DHX15: variants seen among roughly 807,000 people sequenced by gnomAD.
DHX15 encodes ATP-dependent RNA helicase DHX15.
DHX15 carries 11 observed loss-of-function variants against 94.4 expected under a neutral mutation model. That is an observed-to-expected ratio of 0.12 (90% CI 0.07 to 0.19). DHX15 has a LOEUF of 0.19. DHX15 is among the 10% of genes least tolerant of loss of function. The pLI is 1.00. For synonymous variants in DHX15, 338 were observed against 329.9 expected, an observed-to-expected ratio of 1.02 and a Z score of -0.27; for missense variants, 304 against 988.5, an observed-to-expected ratio of 0.31 and a Z score of 9.29.
At chr4:24,569,170 A>G (rs13121824) in intron 3 of DHX15, among the ~76,000 whole-genome samples, 35,227 of 152,180 alleles carry the variant, frequency 0.23, 5,153 homozygotes, top group Non-Finnish European at 0.33. Context: ...ATTTATATAT[A>G]TAATTATTTG....
At chr4:24,534,652 C>T (rs6845163) in intron 11 of DHX15, among the ~76,000 whole-genome samples, 8,170 of 152,148 alleles carry the variant, frequency 0.054, 336 homozygotes, top group African/African-American at 0.11. Flanking sequence ...CTAGACAGAT[C>T]AAGGTACTGC....
rs372421550 is a variant in DHX15 at position 24,584,412 on chromosome 4, G to C, written c.-19C>G. The C allele has an allele frequency of 1.9e-6, 3 of 1,609,016 alleles. No homozygotes were observed. ...TGGACATCCTCGCACTCTTCGAACG[G>C]GCAGTTATTAAGGAAGAAAGCTGGC... On this transcript the variant is annotated 5_prime_UTR_variant, in exon 1 of 14. Coordinates refer to ENST00000336812, the MANE Select transcript of DHX15 (RefSeq NM_001358.3).
At chr4:24,556,195 T>G (rs560665538) in intron 4 of DHX15, 56 bp downstream of exon 4, 2 of 1,507,662 alleles carry the variant, frequency 1.3e-6, no homozygotes, top group Non-Finnish European at 1.8e-6. Context: ...GTATTCCCCA[T>G]TTTTATGCCC....
At chr4:24,572,454 T>A (rs1042139144) in intron 2 of DHX15, among the ~76,000 whole-genome samples, 22 of 152,132 alleles carry the variant, frequency 1.4e-4, no homozygotes, top group Non-Finnish European at 2.6e-4. Context: ...TCAGATTTTT[T>A]AATTCACTCC....
intron 3 of DHX15, among the ~76,000 whole-genome samples, chr4:24,568,085 G>T (rs1417521901): frequency 6.6e-6 from 1 of 152,134 alleles, no homozygotes; most frequent in East Asian, 1.9e-4. Flanking sequence ...TCTATATGCG[G>T]ACAATTTAAA....
At chr4:24,565,966 CT>C (rs1250920631) in intron 3 of DHX15, among the ~76,000 whole-genome samples, 1 of 151,982 alleles carries the variant, frequency 6.6e-6, no homozygotes, top group Non-Finnish European at 1.5e-5. Flanking sequence ...GTGGGCAGAG[CT>C]AGGACAACTC....
intron 7 of DHX15, among the ~76,000 whole-genome samples, chr4:24,542,718 G>C (rs79584058): frequency 0.054 from 8,153 of 151,330 alleles, 335 homozygotes; most frequent in African/African-American, 0.11. Context: ...AACAAAGAAA[G>C]CAAAGCAACT....
At chr4:24,544,134 A>T (rs766959170) in intron 6 of DHX15, among the ~76,000 whole-genome samples, 1 of 152,182 alleles carries the variant, frequency 6.6e-6, no homozygotes, top group Non-Finnish European at 1.5e-5. Flanking sequence ...TTAAAAAAAC[A>T]CATGTGGGAG....
intron 2 of DHX15, 129 bp from the exon 3 acceptor site, chr4:24,570,976 G>C: frequency 1.1e-6 from 1 of 944,682 alleles, no homozygotes; most frequent in Non-Finnish European, 1.6e-6. Flanking sequence ...TATAAGACTT[G>C]TGATTCAAAA....
intron 4 of DHX15, among the ~76,000 whole-genome samples, chr4:24,555,306 GCA>G (rs1491523270): frequency 3.1e-5 from 4 of 129,054 alleles, no homozygotes; most frequent in African/African-American, 1.1e-4. Flanking sequence ...AACAGAAAAT[GCA>G]AAAAAAAAAA....
At position 24,570,845 on chromosome 4, in the gene DHX15, A is replaced by T. The variant is rs1270636758; in HGVS notation, c.510T>A (p.Ile170=). The part of the protein sequence containing the change: ...GETGSGKTTQ[I]PQWCVEYMRS... ...GCATGTACTCCACACACCACTGTGGAATCTATCAAATAATTTCACATTTAA... is the reference window on the plus strand; with the variant it reads ...GCATGTACTCCACACACCACTGTGGTATCTATCAAATAATTTCACATTTAA... Residue 170 remains isoleucine, a splice_region_variant and synonymous_variant, in exon 3 of 14, where the codon ATT becomes ATA. Coordinates refer to ENST00000336812, the MANE Select transcript of DHX15 (RefSeq NM_001358.3). 6.2e-7 allele frequency: 1 copy of T among 1,611,722 alleles called. No individual in the cohort carries two copies.
At chr4:24,533,839 AAACT>A (rs1212253207) in intron 11 of DHX15, 2 of 152,350 alleles carry the variant, frequency 1.3e-5, no homozygotes, top group East Asian at 3.9e-4. Flanking sequence ...TTGATAAATA[AAACT>A]AACAGGGTTA....
chr4:24,583,901 C>T (rs1443121665), intron 1 of DHX15, among the ~76,000 whole-genome samples: 1 of 152,192 alleles, frequency 6.6e-6, no homozygotes, highest in Non-Finnish European at 1.5e-5. Context: ...GCCCCTCTGG[C>T]TGGGAAGTGC....
At chr4:24,533,385 T>G (rs1256479231) in intron 11 of DHX15, 1 of 353,656 alleles carries the variant, frequency 2.8e-6, no homozygotes, top group African/African-American at 2.1e-5. Flanking sequence ...GCTGGAAGTA[T>G]TTGGTAAAAG....
chr4:24,583,746 G>A (rs952956057), intron 1 of DHX15, among the ~76,000 whole-genome samples: 5 of 151,124 alleles, frequency 3.3e-5, no homozygotes, highest in Non-Finnish European at 7.4e-5. Context: ...CACCTCCCCC[G>A]AGAACTCCCT....
At chr4:24,530,008 G>A in intron 12 of DHX15, 3 of 544,928 alleles carry the variant, frequency 5.5e-6, no homozygotes, top group Non-Finnish European at 9.6e-6. Context: ...TCTTTAATTA[G>A]AAAGAAAAAA....
At chr4:24,550,635 A>T (rs1378174176) in intron 5 of DHX15, among the ~76,000 whole-genome samples, 1 of 152,180 alleles carries the variant, frequency 6.6e-6, no homozygotes, top group African/African-American at 2.4e-5. Context: ...GAAGGTCTCC[A>T]AAGGCCAGTA....
chr4:24,528,465 C>T (rs1287198700), intron 13 of DHX15, among the ~76,000 whole-genome samples: 2 of 152,054 alleles, frequency 1.3e-5, no homozygotes, highest in Admixed American at 6.6e-5. Flanking sequence ...AACTCTATAC[C>T]CCCAAAATAC....
intron 1 of DHX15, 103 bp from the exon 2 acceptor site, chr4:24,576,781 A>T: frequency 6.8e-7 from 1 of 1,461,740 alleles, no homozygotes; most frequent in Non-Finnish European, 9.1e-7. Context: ...CAAATGAATA[A>T]AAAGTCCAAT....
Sources: gnomAD v4.1 joint callset for allele counts (sites outside exome capture counted in the v4.1 genomes callset) on GRCh38, gnomAD v4.1.1 for gene constraint, MANE v1.5 for transcripts, NCBI Gene and HGNC (gene_info 2026-07-23, HGNC 2026-07-21) for gene names.